GALNT14: variants seen among roughly 807,000 people sequenced by gnomAD.
GALNT14 encodes polypeptide N-acetylgalactosaminyltransferase 14.
In GALNT14, 60 loss-of-function variants were observed where a neutral mutation model predicts 77.5. That is an observed-to-expected ratio of 0.77 (90% confidence interval 0.63 to 0.96). The LOEUF (loss-of-function observed/expected upper bound fraction) is 0.96, where lower values mean the gene tolerates loss of function less well. Among genes scored for constraint, GALNT14 ranks in the 40% least tolerant of loss-of-function variants. GALNT14 has a pLI of 0.00. For synonymous variants in GALNT14, 280 were observed against 281.7 expected (o/e 0.99, Z 0.06); for missense variants, 710 against 731.0 (o/e 0.97, Z 0.33).
chr2:30,912,288 C>G lies in GALNT14; in HGVS notation c.1435G>C (p.Val479Leu). 1.2e-6 allele frequency: 2 copies of G among 1,614,190 alleles called. No individual in the cohort carries two copies. Among genetic ancestry groups the G allele is most frequent in the Non-Finnish European group, 1.7e-6 (2 of 1,180,026 alleles). The change falls in exon 14 of 15, where the codon GTC becomes CTC. Residue 479 changes from valine to leucine, a missense_variant. Val to Leu is a conservative substitution (Grantham distance 32, BLOSUM62 1). Transcript: ENST00000349752. ...QILQEELCLSVITLFPGAPVV... is the reference protein window; with the variant it reads ...QILQEELCLSLITLFPGAPVV... ...GGGGCGCCAGGGAACAAGGTGATGACTGACAGGCACAGCTCCTCCTGGAGG... is the reference window on the plus strand; with the variant it reads ...GGGGCGCCAGGGAACAAGGTGATGAGTGACAGGCACAGCTCCTCCTGGAGG...
chr2:30,902,407 C>T, the GALNT14 span, among the ~76,000 whole-genome samples: 570 of 152,298 alleles, frequency 3.7e-3, 8 homozygotes, highest in South Asian at 0.022. Context: ...CAGCAGCTCA[C>T]ATGAGAACCA....
chr2:31,057,293 T>TTATATATATATA (rs10638502), intron 1 of GALNT14, among the ~76,000 whole-genome samples: 18 of 128,970 alleles, frequency 1.4e-4, no homozygotes, highest in South Asian at 5.2e-4. Flanking sequence ...AAAGTTGAAA[T>TTATATATATATA]TATATATATA....
intron 1 of GALNT14, among the ~76,000 whole-genome samples, chr2:31,000,362 C>T (rs376379135): frequency 5.9e-5 from 9 of 151,550 alleles, no homozygotes; most frequent in East Asian, 5.8e-4. Flanking sequence ...AAGTATTATT[C>T]GTTTCCCATT....
At chr2:30,927,338 A>T (rs1352230618) in intron 11 of GALNT14, among the ~76,000 whole-genome samples, 1 of 152,162 alleles carries the variant, frequency 6.6e-6, no homozygotes, top group Admixed American at 6.5e-5. Flanking sequence ...AAATTGTGGC[A>T]CTCAAGCAGG....
chr2:30,979,146 C>T (rs1668828601), intron 2 of GALNT14, among the ~76,000 whole-genome samples: 1 of 152,216 alleles, frequency 6.6e-6, no homozygotes, highest in South Asian at 2.1e-4. Flanking sequence ...AGGAGTGATC[C>T]TTCTGCATTT....
chr2:30,997,872 A>G (rs1483976752), intron 1 of GALNT14, among the ~76,000 whole-genome samples: 1 of 152,194 alleles, frequency 6.6e-6, no homozygotes, highest in East Asian at 1.9e-4. Context: ...AATATGCAAT[A>G]TATTTTTATT....
chr2:31,077,562 C>T (rs1675879747), intron 1 of GALNT14, among the ~76,000 whole-genome samples: 1 of 152,212 alleles, frequency 6.6e-6, no homozygotes, highest in South Asian at 2.1e-4. Flanking sequence ...GTCTATGAGC[C>T]CCTTTATCAG....
At chr2:31,106,099 G>A (rs1447459748) in intron 1 of GALNT14, among the ~76,000 whole-genome samples, 1 of 152,122 alleles carries the variant, frequency 6.6e-6, no homozygotes, top group Non-Finnish European at 1.5e-5. Flanking sequence ...CAAGGGGAGG[G>A]GAGGGGTTAT....
At chr2:30,999,121 A>T (rs914563639) in intron 1 of GALNT14, among the ~76,000 whole-genome samples, 1 of 152,206 alleles carries the variant, frequency 6.6e-6, no homozygotes, top group Non-Finnish European at 1.5e-5. Context: ...AGAGTAGAAA[A>T]CAGCGATGTA....
chr2:30,923,991 T>C, intron 13 of GALNT14, 128 bp downstream of exon 13: 1 of 1,036,200 alleles, frequency 9.7e-7, no homozygotes, highest in Admixed American at 1.8e-5. Context: ...CCTCTCATGC[T>C]CCACTACCGA....
At chr2:31,005,198 A>G (rs1181273118) in intron 1 of GALNT14, among the ~76,000 whole-genome samples, 1 of 152,230 alleles carries the variant, frequency 6.6e-6, no homozygotes, top group Non-Finnish European at 1.5e-5. Context: ...TTCTCCTTCA[A>G]GGGATCCTTT....
chr2:31,027,212 A>T (rs1366453482), intron 1 of GALNT14, among the ~76,000 whole-genome samples: 1 of 152,180 alleles, frequency 6.6e-6, no homozygotes, highest in East Asian at 1.9e-4. Context: ...CGGGTGGATC[A>T]CCTGAGGTCA....
chr2:31,031,553 G>T (rs1044090736), intron 1 of GALNT14, among the ~76,000 whole-genome samples: 2 of 152,004 alleles, frequency 1.3e-5, no homozygotes, highest in Non-Finnish European at 2.9e-5. Flanking sequence ...AATGCCACTG[G>T]TACCTCTGCT....
At chr2:31,095,831 A>G (rs2194469) in intron 1 of GALNT14, among the ~76,000 whole-genome samples, 95,486 of 152,074 alleles carry the variant, frequency 0.63, 32,084 homozygotes, top group African/African-American at 0.88. Flanking sequence ...AATGGTACCT[A>G]TATTAGTTTT....
At chr2:30,903,174 T>C in the GALNT14 span, among the ~76,000 whole-genome samples, 8 of 152,240 alleles carry the variant, frequency 5.3e-5, no homozygotes, top group Non-Finnish European at 1.2e-4. Flanking sequence ...TCCAAGTCTA[T>C]AGCAGTCTGC....
Position 30,932,460 on chromosome 2 carries a change from C to T in GALNT14, c.932-266G>A, listed in dbSNP as rs190466042. 8.8e-4 allele frequency among the ~76,000 whole-genome samples: 134 copies of T among 152,300 alleles called. 1 individual carries two copies. In the South Asian group the frequency reaches 0.024, roughly 27 times the overall value. On this transcript the variant is annotated intron_variant, in intron 9 of 14. Transcript: ENST00000349752. Reference sequence around the variant, plus strand: ...GGAGCATATTCAGGGGCCAGCATGGCGGGGCAGGGGCTCTGCTGCAACTTC... The same window carrying T: ...GGAGCATATTCAGGGGCCAGCATGGTGGGGCAGGGGCTCTGCTGCAACTTC...
the GALNT14 span, among the ~76,000 whole-genome samples, chr2:30,898,482 T>C: frequency 1.5e-4 from 23 of 152,188 alleles, no homozygotes; most frequent in Non-Finnish European, 2.9e-4. Flanking sequence ...TTTCAATCAA[T>C]CTCACGGTAA....
chr2:31,114,809 C>T (rs1423247099), intron 1 of GALNT14: 1 of 717,570 alleles, frequency 1.4e-6, no homozygotes, highest in Non-Finnish European at 2.6e-6. Context: ...TGGGAAATGA[C>T]ATACAGCAAG....
chr2:31,011,377 CCT>C (rs1671020144), intron 1 of GALNT14, among the ~76,000 whole-genome samples: 1 of 152,196 alleles, frequency 6.6e-6, no homozygotes. Flanking sequence ...TTAGATCTGG[CCT>C]CCACAACCTT....
Sources: gnomAD v4.1 joint callset for allele counts (sites outside exome capture counted in the v4.1 genomes callset) on GRCh38, gnomAD v4.1.1 for gene constraint, MANE v1.5 for transcripts, NCBI Gene and HGNC (gene_info 2026-07-23, HGNC 2026-07-21) for gene names.